RPS6KC1: variants seen among roughly 807,000 people sequenced by gnomAD.
RPS6KC1 encodes the protein ribosomal protein S6 kinase C1.
Under a neutral mutation model 103.8 loss-of-function variants are expected in RPS6KC1, and 54 were observed. The ratio of observed to expected loss-of-function variants is 0.52; its 90% CI spans 0.42 to 0.65. The LOEUF (loss-of-function observed/expected upper bound fraction) is 0.65. Ranked by LOEUF, RPS6KC1 falls within the 30% of genes least tolerant of loss-of-function variation. The probability of loss-of-function intolerance (pLI) is 0.00; values close to 1 mark genes in which losing one functional copy is unlikely to be tolerated. For synonymous variants in RPS6KC1, 439 were observed against 438.7 expected, an observed-to-expected ratio of 1.00 and a Z score of -0.01; for missense variants, 1,151 against 1,253.8, an observed-to-expected ratio of 0.92 and a Z score of 1.24.
chr1:213,104,610 A>G (rs1319920787), intron 4 of RPS6KC1, 41 bp downstream of exon 4: 1 of 1,137,812 alleles, frequency 8.8e-7, no homozygotes. Context: ...CTTATTAAAT[A>G]CTTTTGTAAT....
chr1:213,665,012 T>G, the RPS6KC1 span, among the ~76,000 whole-genome samples: 1 of 152,334 alleles, frequency 6.6e-6, no homozygotes, highest in African/African-American at 2.4e-5. Flanking sequence ...ATTAATGAGG[T>G]TTTGGATCAT....
At chr1:213,224,152 G>A (rs1424710210) in intron 8 of RPS6KC1, among the ~76,000 whole-genome samples, 2 of 152,056 alleles carry the variant, frequency 1.3e-5, no homozygotes, top group Non-Finnish European at 2.9e-5. Context: ...ATCATCATTT[G>A]ATACTTTTGG....
At chr1:213,665,873 A>G in the RPS6KC1 span, among the ~76,000 whole-genome samples, 5 of 152,368 alleles carry the variant, frequency 3.3e-5, no homozygotes, top group East Asian at 7.7e-4. Flanking sequence ...AAAGACTGGT[A>G]TGTACCATCA....
chr1:213,464,988 C>T, the RPS6KC1 span, among the ~76,000 whole-genome samples: 5 of 152,058 alleles, frequency 3.3e-5, no homozygotes, highest in South Asian at 2.1e-4. Context: ...GAGTTACTCA[C>T]CCAAAGTCAC....
intron 8 of RPS6KC1, 24 bp downstream of exon 8, chr1:213,176,516 G>C (rs765576225): frequency 6.8e-7 from 1 of 1,475,652 alleles, no homozygotes; most frequent in Admixed American, 1.7e-5. Context: ...GTCTCTTCAA[G>C]AGTTCAGTCA....
At chr1:213,085,660 T>G (rs904660423) in intron 3 of RPS6KC1, among the ~76,000 whole-genome samples, 1 of 152,196 alleles carries the variant, frequency 6.6e-6, no homozygotes, top group African/African-American at 2.4e-5. Context: ...TCTCCCTTTA[T>G]CTGTGTCTCT....
chr1:213,357,047 C>G, the RPS6KC1 span, among the ~76,000 whole-genome samples: 2 of 152,202 alleles, frequency 1.3e-5, no homozygotes, highest in African/African-American at 4.8e-5. Context: ...GGACCAGGGG[C>G]TGGGAGAGTA....
intron 3 of RPS6KC1, among the ~76,000 whole-genome samples, chr1:213,096,980 G>A (rs1260170370): frequency 6.6e-6 from 1 of 152,180 alleles, no homozygotes; most frequent in African/African-American, 2.4e-5. Context: ...TGTTGTGTTA[G>A]CTGGCATGAA....
At chr1:213,405,529 T>G in the RPS6KC1 span, among the ~76,000 whole-genome samples, 3 of 152,182 alleles carry the variant, frequency 2.0e-5, no homozygotes, top group African/African-American at 7.2e-5. Flanking sequence ...TGGTGGGAGC[T>G]TCCATATTGC....
chr1:213,696,932 G>A, the RPS6KC1 span, among the ~76,000 whole-genome samples: 1 of 152,076 alleles, frequency 6.6e-6, no homozygotes, highest in Non-Finnish European at 1.5e-5. Context: ...GGTCCCACAA[G>A]ACTGCCCCCA....
the RPS6KC1 span, among the ~76,000 whole-genome samples, chr1:213,733,543 A>AGT: frequency 7.4e-4 from 69 of 92,760 alleles, no homozygotes; most frequent in African/African-American, 1.2e-3. Context: ...GGCTATTTTT[A>AGT]GTTTGTTTTT....
the RPS6KC1 span, among the ~76,000 whole-genome samples, chr1:213,595,588 C>T: frequency 6.6e-6 from 1 of 152,206 alleles, no homozygotes; most frequent in African/African-American, 2.4e-5. Context: ...ATCAGTTCCC[C>T]TCCAGGTCTC....
chr1:213,294,599 C>T, the RPS6KC1 span, among the ~76,000 whole-genome samples: 1 of 152,198 alleles, frequency 6.6e-6, no homozygotes, highest in East Asian at 1.9e-4. Context: ...AAAAGAATTA[C>T]CAGAAGGCCT....
chr1:213,509,218 A>G, the RPS6KC1 span, among the ~76,000 whole-genome samples: 1 of 152,196 alleles, frequency 6.6e-6, no homozygotes, highest in Non-Finnish European at 1.5e-5. Context: ...TCACATGGCT[A>G]AAGACCAAAT....
the RPS6KC1 span, among the ~76,000 whole-genome samples, chr1:213,528,693 GTC>G: frequency 1.3e-3 from 196 of 152,262 alleles, no homozygotes; most frequent in African/African-American, 4.6e-3. Context: ...TTGATTTAAT[GTC>G]ATCTCAGATC....
At chr1:213,242,435 A>G in intron 11 of RPS6KC1, 134 bp from the exon 12 acceptor site, 1 of 1,126,454 alleles carries the variant, frequency 8.9e-7, no homozygotes. Flanking sequence ...ACCCCCAGTA[A>G]TAGCTTCTAG....
At chr1:213,672,863 C>T in the RPS6KC1 span, among the ~76,000 whole-genome samples, 1 of 152,308 alleles carries the variant, frequency 6.6e-6, no homozygotes, top group African/African-American at 2.4e-5. Context: ...TTTCCAATCT[C>T]AGTTGCTGGC....
chr1:213,130,929 A>G (rs1433526754), intron 6 of RPS6KC1, among the ~76,000 whole-genome samples: 2 of 150,326 alleles, frequency 1.3e-5, no homozygotes, highest in Non-Finnish European at 3.0e-5. Context: ...TTTTTTTTTT[A>G]AATTATATTC....
intron 8 of RPS6KC1, among the ~76,000 whole-genome samples, chr1:213,220,564 A>G (rs1040272424): frequency 2.0e-5 from 3 of 152,174 alleles, no homozygotes; most frequent in African/African-American, 2.4e-5. Context: ...GGCCTCAGCA[A>G]TCTGCCCGCC....
Sources: gnomAD v4.1 joint callset for allele counts (sites outside exome capture counted in the v4.1 genomes callset) on GRCh38, gnomAD v4.1.1 for gene constraint, MANE v1.5 for transcripts, NCBI Gene and HGNC (gene_info 2026-07-23, HGNC 2026-07-21) for gene names.